Variants in ABCA3 observed in about 807,000 individuals in gnomAD.
ABCA3 encodes ATP binding cassette subfamily A member 3.
ABCA3 carries 88 observed loss-of-function variants against 172.8 expected under a neutral mutation model. The ratio of observed to expected loss-of-function variants is 0.51; its 90% CI spans 0.43 to 0.61. The LOEUF (loss-of-function observed/expected upper bound fraction) is 0.61. Among genes scored for constraint, ABCA3 ranks in the 20% least tolerant of loss-of-function variants. ABCA3 has a pLI of 0.00. For synonymous variants in ABCA3, 1,066 were observed against 983.8 expected (o/e 1.08, Z -1.56); for missense variants, 2,164 against 2,301.0 (o/e 0.94, Z 1.22).
intron 8 of ABCA3, 46 bp downstream of exon 8, chr16:2,319,535 G>GAGGTTTCTAGAA (rs1567352079): frequency 1.2e-6 from 2 of 1,601,712 alleles, no homozygotes; most frequent in Non-Finnish European, 1.7e-6. Context: ...GCCTCCCCAG[G>GAGGTTTCTAGAA]ACAGCGCGGT....
At position 2,284,121 on chromosome 16, in the gene ABCA3, G is replaced by C; in HGVS notation, c.3862+158C>G. 2.2e-6 allele frequency: 2 copies of C among 907,816 alleles called. No homozygotes were observed. Among genetic ancestry groups the C allele is most frequent in the East Asian group, 5.4e-5 (2 of 36,918 alleles). 56.2% of individuals were successfully genotyped at this position (907,816 alleles called of 1,614,324 possible). Reference sequence around the variant, plus strand: ...AGGGCCTGGGAGCGAGCGGGCGCGAGGGGGCTGCTGTGGGAGGTGGGGCAA... The same window carrying C: ...AGGGCCTGGGAGCGAGCGGGCGCGACGGGGCTGCTGTGGGAGGTGGGGCAA... On this transcript the variant is annotated intron_variant, in intron 25 of 32. Coordinates refer to ENST00000301732, the MANE Select transcript of ABCA3 (RefSeq NM_001089.3). This position sits in a 1 kb window ranked among gnomAD's most constrained non-coding sequence, Gnocchi z 5.9.
intron 10 of ABCA3, among the ~76,000 whole-genome samples, chr16:2,309,316 G>A (rs1020880360): frequency 6.6e-5 from 10 of 152,114 alleles, no homozygotes; most frequent in African/African-American, 2.2e-4. Flanking sequence ...CGTCAGATAC[G>A]CACTGAGCAC....
At chr16:2,312,206 T>C (rs1179361537) in intron 10 of ABCA3, among the ~76,000 whole-genome samples, 1 of 152,218 alleles carries the variant, frequency 6.6e-6, no homozygotes, top group Non-Finnish European at 1.5e-5. Context: ...TGTCAGAAAC[T>C]ACCAGTTGTT....
At chr16:2,326,544 A>G in intron 3 of ABCA3, 52 bp from the exon 4 acceptor site, 1 of 1,545,846 alleles carries the variant, frequency 6.5e-7, no homozygotes, top group Middle Eastern at 1.7e-4. Flanking sequence ...AAACACGCAG[A>G]GTGGGGATTT....
rs147953352 is a variant in ABCA3 at position 2,277,697 on chromosome 16, G to A, written c.4910-27C>T. On this transcript the variant is annotated intron_variant, in intron 31 of 32. Coordinates refer to ENST00000301732, the MANE Select transcript of ABCA3 (RefSeq NM_001089.3). The surrounding 1 kb of genome is among the most constrained non-coding windows in gnomAD (Gnocchi z 5.3). ...TGCACAAAGGAGAGACGGTGTTGCT[G>A]TGAGCGCCGGGCTGGAGGATCGGGG... is the stretch of plus-strand genomic sequence containing the variant. The A allele has an allele frequency of 3.7e-5, 59 of 1,612,684 alleles. No individual in the cohort carries two copies. In the East Asian group the frequency reaches 1.2e-3, roughly 34 times the overall value.
At position 2,276,665 on chromosome 16, in the gene ABCA3, C is replaced by T. The variant is rs750774228; in HGVS notation, c.*9G>A. 31 of 1,612,450 alleles carry T rather than the reference C, an allele frequency of 1.9e-5. No individual in the cohort carries two copies. The highest frequency in any genetic ancestry group is 2.2e-5 in the Non-Finnish European group (26 of 1,179,994). On this transcript the variant is annotated 3_prime_UTR_variant, in exon 33 of 33. Coordinates refer to ENST00000301732, the MANE Select transcript of ABCA3 (RefSeq NM_001089.3). ...TGTCCCTGCCTGATGGCGAGACAGC[C>T]GCCACCCCTCATCGCCCCTCCTCTG...
At position 2,303,811 on chromosome 16, in the gene ABCA3, C is replaced by T. The variant is rs45480793; in HGVS notation, c.1467+158G>A. Among the ~76,000 whole-genome samples, 452 of 152,100 alleles carry T rather than the reference C, an allele frequency of 3.0e-3. 1 individual carries two copies. The highest frequency in any genetic ancestry group is 0.01 in the African/African-American group (431 of 41,508). Reference sequence around the variant, plus strand: ...TCTCTGAACCAGTCCCAAGGGCCCTCGGGGGACACGCCACTCCCTGTGCAC... The same window carrying T: ...TCTCTGAACCAGTCCCAAGGGCCCTTGGGGGACACGCCACTCCCTGTGCAC... On this transcript the variant is annotated intron_variant, in intron 12 of 32. Coordinates refer to ENST00000301732, the MANE Select transcript of ABCA3 (RefSeq NM_001089.3).
rs1248037383 is a variant in ABCA3 at position 2,284,741 on chromosome 16, A to T, written c.3703+38T>A. 1.9e-6 allele frequency: 3 copies of T among 1,592,886 alleles called. No individual in the cohort carries two copies. The highest frequency in any genetic ancestry group is 2.6e-6 in the Non-Finnish European group (3 of 1,168,642). On this transcript the variant is annotated intron_variant, in intron 24 of 32. Transcript: ENST00000301732. The surrounding 1 kb of genome is among the most constrained non-coding windows in gnomAD (Gnocchi z 5.9). ...CTGTCTGGGCGGAGTGGCTCCGTGG[A>T]TGGCCATGGGGGCTGCGGGTGGTCT...
chr16:2,315,597 C>T (rs1037845575), intron 10 of ABCA3, among the ~76,000 whole-genome samples: 3 of 152,020 alleles, frequency 2.0e-5, no homozygotes, highest in East Asian at 3.9e-4. Context: ...GCCAGGTACA[C>T]GAAAATCACG....
intron 18 of ABCA3, 23 bp downstream of exon 18, chr16:2,295,567 C>G: frequency 6.2e-7 from 1 of 1,609,346 alleles, no homozygotes; most frequent in Non-Finnish European, 8.5e-7. Flanking sequence ...TATACCTGTG[C>G]GTGCCCTCCC....
chr16:2,316,234 A>G (rs1241313478), intron 10 of ABCA3, among the ~76,000 whole-genome samples: 1 of 146,876 alleles, frequency 6.8e-6, no homozygotes, highest in African/African-American at 2.5e-5. Flanking sequence ...CTTTGAGCCC[A>G]GCAGTTCAAG....
intron 1 of ABCA3, chr16:2,332,849 C>T: frequency 1.8e-6 from 1 of 562,312 alleles, no homozygotes; most frequent in South Asian, 2.1e-5. Context: ...CTTTGTCACC[C>T]AGGTTGGAGT....
chr16:2,277,906 T>A lies in ABCA3; in HGVS notation c.4882A>T (p.Lys1628Ter). Residue 1628 changes from lysine to a stop codon, truncating the protein, a stop_gained, in exon 31 of 33, where the codon AAG (lysine) becomes TAG (stop). Transcript: ENST00000301732. LOFTEE classifies it high-confidence loss of function. The surrounding 1 kb of genome is among the most constrained non-coding windows in gnomAD (Gnocchi z 5.3). ...GGAAAGGTCAGGTCCACGAAGGCCTTGAACTCCTCCAGCGCCTCCTGTTGC... is the reference window on the plus strand; with the variant it reads ...GGAAAGGTCAGGTCCACGAAGGCCTAGAACTCCTCCAGCGCCTCCTGTTGC... ...EGQQEALEEF[K>*]AFVDLTFPGS... 6.2e-7 allele frequency: 1 copy of A among 1,610,306 alleles called. No individual in the cohort carries two copies. Among genetic ancestry groups the A allele is most frequent in the Non-Finnish European group, 8.5e-7 (1 of 1,179,982 alleles).
chr16:2,334,589 G>A (rs2093748773), intron 1 of ABCA3, among the ~76,000 whole-genome samples: 1 of 148,696 alleles, frequency 6.7e-6, no homozygotes, highest in Non-Finnish European at 1.5e-5. Flanking sequence ...TTGGCTCAAT[G>A]CAACCTCCGG....
intron 10 of ABCA3, among the ~76,000 whole-genome samples, chr16:2,310,869 G>C (rs1350941559): frequency 6.6e-6 from 1 of 151,998 alleles, no homozygotes; most frequent in Admixed American, 6.6e-5. Context: ...TGGTGCTTCA[G>C]TCAGGAACGA....
chr16:2,283,261 C>G lies in ABCA3; in HGVS notation c.3960G>C (p.Leu1320=), dbSNP rs368936980. The G allele has an allele frequency of 3.1e-6, 5 of 1,613,446 alleles. No individual in the cohort carries two copies. In the African/African-American group the frequency reaches 5.3e-5, roughly 17 times the overall value. Residue 1320 remains leucine (L), a synonymous_variant, in exon 26 of 33, where the codon CTG becomes CTC. Transcript: ENST00000301732. The surrounding 1 kb of genome is among the most constrained non-coding windows in gnomAD (Gnocchi z 5.4). ...GCAGGTTGGTCTCGATGAGGAAGAG[C>G]AGGATGAGGTAGGCGCACCCTGAGG... ...MAASGCAYLI[L]LFLIETNLLQ...
chr16:2,289,660 C>A, intron 19 of ABCA3, 40 bp from the exon 20 acceptor site: 1 of 1,540,222 alleles, frequency 6.5e-7, no homozygotes, highest in Non-Finnish European at 8.7e-7. Context: ...GACCCAGCTC[C>A]CCGGGTGGGT....
intron 18 of ABCA3, among the ~76,000 whole-genome samples, chr16:2,295,313 G>A (rs2093677956): frequency 6.6e-6 from 1 of 152,242 alleles, no homozygotes; most frequent in African/African-American, 2.4e-5. Flanking sequence ...GGGGGAGTGT[G>A]AGCCCTGCAT....
chr16:2,277,800 C>G lies in ABCA3; in HGVS notation c.4909+79G>C. 1 of 1,595,418 alleles carries G rather than the reference C, an allele frequency of 6.3e-7. No homozygotes were observed. The highest frequency in any genetic ancestry group is 8.5e-7 in the Non-Finnish European group (1 of 1,171,166). On this transcript the variant is annotated intron_variant, in intron 31 of 32. Coordinates refer to ENST00000301732, the MANE Select transcript of ABCA3 (RefSeq NM_001089.3). This position sits in a 1 kb window ranked among gnomAD's most constrained non-coding sequence, Gnocchi z 5.3. ...GGGACTTGGCGGGGCGAGGCACAGA[C>G]GCTCCGCACAGCAGATGGGAGAGGC...
Sources: gnomAD v4.1 joint callset for allele counts (sites outside exome capture counted in the v4.1 genomes callset) on GRCh38, gnomAD v4.1.1 for gene constraint, Gnocchi (gnomAD v3.1) non-coding constraint, MANE v1.5 for transcripts, NCBI Gene and HGNC (gene_info 2026-07-23, HGNC 2026-07-21) for gene names.